TMEM117: variants seen among roughly 807,000 people sequenced by gnomAD.
TMEM117 encodes transmembrane protein 117.
In TMEM117, 27 loss-of-function variants were observed where a neutral mutation model predicts 52.4. The ratio of observed to expected loss-of-function variants is 0.51; its 90% CI spans 0.38 to 0.71. The LOEUF (loss-of-function observed/expected upper bound fraction) is 0.71. Among genes scored for constraint, TMEM117 ranks in the 30% least tolerant of loss-of-function variants. The pLI, the probability that TMEM117 is intolerant of heterozygous loss-of-function variation, is 0.00. For synonymous variants in TMEM117, 215 were observed against 206.3 expected (o/e 1.04, Z -0.36); for missense variants, 556 against 630.5 (o/e 0.88, Z 1.26).
chr12:43,963,487 A>T (rs1176093807), intron 3 of TMEM117, among the ~76,000 whole-genome samples: 2 of 152,216 alleles, frequency 1.3e-5, no homozygotes, highest in African/African-American at 4.8e-5. Context: ...GGAGCAACAG[A>T]TGTGTTATTT....
chr12:44,379,111 A>G (rs187101915), intron 7 of TMEM117, among the ~76,000 whole-genome samples: 4 of 151,818 alleles, frequency 2.6e-5, no homozygotes, highest in African/African-American at 9.7e-5. Flanking sequence ...AGGGAAACTC[A>G]TCTCTAAAAA....
At chr12:43,826,554 G>A in the TMEM117 span, among the ~76,000 whole-genome samples, 3 of 152,298 alleles carry the variant, frequency 2.0e-5, no homozygotes, top group South Asian at 6.2e-4. Context: ...ATTGGTGGCT[G>A]CCTAAATTGG....
At chr12:43,989,603 T>C (rs1260458912) in intron 3 of TMEM117, among the ~76,000 whole-genome samples, 1 of 152,094 alleles carries the variant, frequency 6.6e-6, no homozygotes, top group African/African-American at 2.4e-5. Context: ...ATCGATGACC[T>C]CTTTTAATTC....
rs529295580 is a variant in TMEM117 at position 43,962,805 on chromosome 12, G to C, written c.410+18463G>C. On this transcript the variant is annotated intron_variant, in intron 3 of 7. Coordinates refer to ENST00000266534, the MANE Select transcript of TMEM117 (RefSeq NM_032256.3). The stretch of plus-strand genomic sequence containing the variant: ...TAGCCAGGCATGGCGGCGGGCGCCT[G>C]TAGTCCCAGCTAGTTGGGAGGCTGA... Among the ~76,000 whole-genome samples, 3 of 152,038 alleles carry C rather than the reference G, an allele frequency of 2.0e-5. 1 individual carries two copies. Among genetic ancestry groups the C allele is most frequent in the Non-Finnish European group, 4.4e-5 (3 of 68,000 alleles).
intron 3 of TMEM117, among the ~76,000 whole-genome samples, chr12:44,005,100 G>A (rs575612281): frequency 2.0e-5 from 3 of 152,290 alleles, no homozygotes; most frequent in East Asian, 3.9e-4. Flanking sequence ...GCTCACATGT[G>A]TGCATTTAAT....
chr12:43,950,133 C>T (rs1208754154), intron 3 of TMEM117, among the ~76,000 whole-genome samples: 1 of 152,102 alleles, frequency 6.6e-6, no homozygotes, highest in Admixed American at 6.5e-5. Flanking sequence ...GCTGCTTTCT[C>T]AGAATATGAA....
intron 3 of TMEM117, among the ~76,000 whole-genome samples, chr12:44,057,050 A>G (rs1206326224): frequency 6.6e-6 from 1 of 152,140 alleles, no homozygotes; most frequent in African/African-American, 2.4e-5. Context: ...GTGCTTAATG[A>G]CCTTCGGAAA....
intron 2 of TMEM117, among the ~76,000 whole-genome samples, chr12:43,848,228 A>G (rs1014074375): frequency 6.6e-6 from 1 of 152,306 alleles, no homozygotes; most frequent in African/African-American, 2.4e-5. Context: ...CTTGATAAAC[A>G]TCTTAAACAA....
At chr12:44,042,617 T>G (rs1946817030) in intron 3 of TMEM117, among the ~76,000 whole-genome samples, 1 of 152,132 alleles carries the variant, frequency 6.6e-6, no homozygotes, top group Non-Finnish European at 1.5e-5. Flanking sequence ...CTTACCTCTT[T>G]CTCCCATGCT....
At chr12:43,796,201 A>G in the TMEM117 span, among the ~76,000 whole-genome samples, 3 of 152,166 alleles carry the variant, frequency 2.0e-5, no homozygotes, top group Non-Finnish European at 2.9e-5. Context: ...ATAAGAATAT[A>G]TGACAGAGAT....
At chr12:43,978,894 ATTAATC>A (rs1007725729) in intron 3 of TMEM117, among the ~76,000 whole-genome samples, 1 of 151,670 alleles carries the variant, frequency 6.6e-6, no homozygotes, top group African/African-American at 2.4e-5. Context: ...CATCTGTCCT[ATTAATC>A]TTGTTGGGGA....
chr12:44,143,483 C>A, intron 3 of TMEM117, 42 bp from the exon 4 acceptor site: 1 of 1,501,528 alleles, frequency 6.7e-7, no homozygotes, highest in Non-Finnish European at 9.2e-7. Flanking sequence ...AACTGTATGA[C>A]TCTCTGAGTC....
chr12:43,892,655 C>G (rs936873727), intron 2 of TMEM117, among the ~76,000 whole-genome samples: 2 of 152,170 alleles, frequency 1.3e-5, no homozygotes, highest in African/African-American at 4.8e-5. Flanking sequence ...TCCTTCTTTC[C>G]TTCTGGAAAT....
At chr12:44,026,440 C>T (rs538623426) in intron 3 of TMEM117, among the ~76,000 whole-genome samples, 214 of 152,298 alleles carry the variant, frequency 1.4e-3, no homozygotes, top group African/African-American at 5.0e-3. Flanking sequence ...TCCAAAGAGA[C>T]GGGTTTTCAC....
At chr12:44,262,203 C>G (rs746611759) in intron 5 of TMEM117, among the ~76,000 whole-genome samples, 2 of 152,112 alleles carry the variant, frequency 1.3e-5, no homozygotes, top group African/African-American at 2.4e-5. Flanking sequence ...GATAGTACCA[C>G]AAATTTTTCC....
intron 2 of TMEM117, among the ~76,000 whole-genome samples, chr12:43,940,304 A>G (rs1945023573): frequency 6.6e-6 from 1 of 151,784 alleles, no homozygotes; most frequent in African/African-American, 2.4e-5. Context: ...CTCCTCTGAG[A>G]CTCTTTAGTG....
At chr12:44,015,588 C>T (rs1029665813) in intron 3 of TMEM117, among the ~76,000 whole-genome samples, 7 of 151,990 alleles carry the variant, frequency 4.6e-5, no homozygotes, top group Non-Finnish European at 1.0e-4. Context: ...CTAGAACTTG[C>T]CAGAATTTAG....
Position 43,902,792 on chromosome 12 carries a change from A to C in TMEM117, c.278-41418A>C, listed in dbSNP as rs995859411. ...TACTCAAATGGCATCAAGTAAAAATAGTTACTTGCATATTAGTAAATAAGA... is the reference window on the plus strand; with the variant it reads ...TACTCAAATGGCATCAAGTAAAAATCGTTACTTGCATATTAGTAAATAAGA... On this transcript the variant is annotated intron_variant, in intron 2 of 7. Transcript: ENST00000266534. Among the ~76,000 whole-genome samples the C allele has an allele frequency of 3.9e-5, 6 of 152,344 alleles. No individual in the cohort carries two copies. The South Asian group carries it at 1.0e-3, about 26-fold the overall frequency.
chr12:43,826,401 TC>T, the TMEM117 span, among the ~76,000 whole-genome samples: 1 of 152,182 alleles, frequency 6.6e-6, no homozygotes, highest in South Asian at 2.1e-4. Context: ...CTAGATCTAC[TC>T]CCCATATTTC....
Sources: allele counts gnomAD v4.1 joint callset (sites outside exome capture counted in the v4.1 genomes callset), GRCh38; gene constraint gnomAD v4.1.1; transcripts MANE v1.5; gene names NCBI Gene and HGNC (gene_info 2026-07-23, HGNC 2026-07-21).